Variants in C1R observed in about 807,000 individuals in gnomAD.
C1R encodes the protein complement C1r.
C1R carries 15 observed loss-of-function variants against 27.6 expected under a neutral mutation model. The observed-to-expected ratio is 0.54, with a 90% confidence interval of 0.36 to 0.84. The LOEUF (loss-of-function observed/expected upper bound fraction) is 0.84. C1R is among the 40% of genes least tolerant of loss of function. The probability of loss-of-function intolerance (pLI) is 0.01; values close to 1 mark genes in which losing one functional copy is unlikely to be tolerated. For missense variants in C1R, 544 were observed against 577.9 expected, an observed-to-expected ratio of 0.94 and a Z score of 0.60; for synonymous variants, 253 against 228.8, an observed-to-expected ratio of 1.11 and a Z score of -0.95.
chr12:7,085,904 A>G lies in C1R; in HGVS notation c.1230T>C (p.Tyr410=), dbSNP rs1397872731. The G allele has an allele frequency of 7.5e-6, 3 of 398,546 alleles. No homozygotes were observed. Among genetic ancestry groups the G allele is most frequent in the Admixed American group, 4.4e-5 (1 of 22,718 alleles). The allele number at this position is 398,546 out of a possible 1,614,324, so 24.7% of individuals were successfully genotyped here. A position where few individuals can be genotyped will look rare whatever the true frequency, so the allele number is the denominator to read the frequency against. Residue 410 remains tyrosine, a synonymous_variant, in exon 9 of 11, where the codon TAT becomes TAC. Transcript: ENST00000647956. The stretch of plus-strand genomic sequence containing the variant: ...TGCCAGCTCTGGTCTGCATCTTGTA[A>G]TATGGCTCATGGCAGTAGTACTGGA... ...ARIQYYCHEP[Y]YKMQTRAGSR...
At position 7,080,839 on chromosome 12, in the gene C1R, G is replaced by A. The variant is rs1938044358; in HGVS notation, c.1811C>T (p.Ala604Val). 6.2e-7 allele frequency: 1 copy of A among 1,613,846 alleles called. No individual in the cohort carries two copies. Among genetic ancestry groups the A allele is most frequent in the Admixed American group, 1.7e-5 (1 of 59,988 alleles). Residue 604 changes from alanine (A) to valine (V), a missense_variant, in exon 11 of 11, where the codon GCT (alanine) becomes GTT (valine). This residue lies in a region of C1R where 253 missense variants were observed against 368.9 expected (regional missense o/e 0.69). Coordinates refer to ENST00000647956, the MANE Select transcript of C1R (RefSeq NM_001733.7). The surrounding 1 kb of genome is among the most constrained non-coding windows in gnomAD (Gnocchi z 4.9). The part of the protein sequence containing the change: ...SGFGVMEEKI[A>V]HDLRFVRLPV... ...CAGACGGACAAACCTGAGGTCATGAGCAATCTTCTCCTCCATGACCCCGAA... is the reference window on the plus strand; with the variant it reads ...CAGACGGACAAACCTGAGGTCATGAACAATCTTCTCCTCCATGACCCCGAA...
Position 7,091,200 on chromosome 12 carries a change from C to A in C1R, c.231+252G>T. ...CTAGACAGCAGATGGGGAAGGTTTTCCTGACTCAGTGGATGTTGAATTTCC... is the reference window on the plus strand; with the variant it reads ...CTAGACAGCAGATGGGGAAGGTTTTACTGACTCAGTGGATGTTGAATTTCC... On this transcript the variant is annotated intron_variant, in intron 2 of 10. Transcript: ENST00000647956. This position sits in a 1 kb window ranked among gnomAD's most constrained non-coding sequence, Gnocchi z 5.1. The A allele has an allele frequency of 2.0e-6, 1 of 493,032 alleles. No individual in the cohort carries two copies. Among genetic ancestry groups the A allele is most frequent in the Non-Finnish European group, 3.6e-6 (1 of 280,944 alleles). 30.5% of individuals were successfully genotyped at this position (493,032 alleles called of 1,614,324 possible). A position where few individuals can be genotyped will look rare whatever the true frequency, so the allele number is the denominator to read the frequency against.
chr12:7,083,243 T>G (rs1273261762), intron 9 of C1R, among the ~76,000 whole-genome samples: 3 of 145,918 alleles, frequency 2.1e-5, no homozygotes, highest in Non-Finnish European at 4.5e-5. Flanking sequence ...AATGGTGGTG[T>G]TGTTAATGGT....
chr12:7,088,439 A>T lies in C1R; in HGVS notation c.1038+171T>A. 4.2e-6 allele frequency: 3 copies of T among 706,018 alleles called. No homozygotes were observed. In the South Asian group the frequency reaches 4.4e-5, roughly 10 times the overall value. The allele number at this position is 706,018 out of a possible 1,614,324, so 43.7% of individuals were successfully genotyped here. A position where few individuals can be genotyped will look rare whatever the true frequency, so the allele number is the denominator to read the frequency against. On this transcript the variant is annotated intron_variant, in intron 7 of 10. Coordinates refer to ENST00000647956, the MANE Select transcript of C1R (RefSeq NM_001733.7). ...CTCAAGCAATCTTCCAGGATTTTAAACTCTCTGTTTTAAGTGTGCAGCAAG... is the reference window on the plus strand; with the variant it reads ...CTCAAGCAATCTTCCAGGATTTTAATCTCTCTGTTTTAAGTGTGCAGCAAG...
At position 7,089,598 on chromosome 12, in the gene C1R, T is replaced by C; in HGVS notation, c.560A>G (p.His187Arg). ...CCACTCTGGCTCACCCTGGCAGGAATGCCTGTCTTCCTGAAGCTCATAGCC... is the reference window on the plus strand; with the variant it reads ...CCACTCTGGCTCACCCTGGCAGGAACGCCTGTCTTCCTGAAGCTCATAGCC... ...RPGYELQEDR[H>R]SCQAECSSEL... The change falls in exon 4 of 11, where the codon CAT becomes CGT. Residue 187 changes from histidine to arginine, a missense_variant. Transcript: ENST00000647956. The C allele has an allele frequency of 1.3e-6, 1 of 780,910 alleles. No individual in the cohort carries two copies. The highest frequency in any genetic ancestry group is 2.4e-6 in the Non-Finnish European group (1 of 417,980). 48.4% of individuals were successfully genotyped at this position (780,910 alleles called of 1,614,324 possible).
chr12:7,090,339 A>G, intron 2 of C1R, 91 bp from the exon 3 acceptor site: 4 of 650,010 alleles, frequency 6.2e-6, no homozygotes, highest in Admixed American at 2.3e-5. Flanking sequence ...TCTCGCCCAG[A>G]GTGCATCATG....
At chr12:7,082,714 C>T (rs1365996601) in intron 9 of C1R, among the ~76,000 whole-genome samples, 1 of 152,142 alleles carries the variant, frequency 6.6e-6, no homozygotes, top group Non-Finnish European at 1.5e-5. Flanking sequence ...ATATCAAAAT[C>T]TTATCAGTGA....
chr12:7,088,456 T>C (rs1444517748), intron 7 of C1R, 154 bp downstream of exon 7: 1 of 709,758 alleles, frequency 1.4e-6, no homozygotes, highest in Non-Finnish European at 2.6e-6. Flanking sequence ...GTTTTAAGTG[T>C]GCAGCAAGTT....
At position 7,089,730 on chromosome 12, in the gene C1R, A is replaced by G; in HGVS notation, c.428T>C (p.Leu143Pro). 1 of 780,662 alleles carries G rather than the reference A, an allele frequency of 1.3e-6. No homozygotes were observed. Among genetic ancestry groups the G allele is most frequent in the Non-Finnish European group, 2.4e-6 (1 of 417,908 alleles). The allele number at this position is 780,662 out of a possible 1,614,324, so 48.4% of individuals were successfully genotyped here. ...TTTGCTCCGGGAAGCACATTCATCA[A>G]GGTCTGGAAGGCATTCAGGAAGGAG... ...GFLAYYQAVD[L>P]DECASRSKSG... Residue 143 changes from leucine (L) to proline (P), a missense_variant, in exon 4 of 11, where the codon CTT (leucine) becomes CCT (proline). Coordinates refer to ENST00000647956, the MANE Select transcript of C1R (RefSeq NM_001733.7).
Position 7,080,369 on chromosome 12 carries a change from T to C in C1R, c.*163A>G. On this transcript the variant is annotated 3_prime_UTR_variant, in exon 11 of 11. Coordinates refer to ENST00000647956, the MANE Select transcript of C1R (RefSeq NM_001733.7). This position sits in a 1 kb window ranked among gnomAD's most constrained non-coding sequence, Gnocchi z 4.9. ...AAGGGGCCCTTTGGGTTGTTTCAGG[T>C]AAAGTACATCAATGGGACTACAGGA... is the stretch of plus-strand genomic sequence containing the variant. The C allele has an allele frequency of 7.3e-7, 1 of 1,363,804 alleles. No individual in the cohort carries two copies. The highest frequency in any genetic ancestry group is 9.4e-7 in the Non-Finnish European group (1 of 1,062,706). 84.5% of individuals were successfully genotyped at this position (1,363,804 alleles called of 1,614,324 possible). A position where few individuals can be genotyped will look rare whatever the true frequency, so the allele number is the denominator to read the frequency against.
rs926638397 is a variant in C1R at position 7,091,950 on chromosome 12, G to C, written c.3-270C>G. On this transcript the variant is annotated intron_variant, in intron 1 of 10. Coordinates refer to ENST00000647956, the MANE Select transcript of C1R (RefSeq NM_001733.7). This position sits in a 1 kb window ranked among gnomAD's most constrained non-coding sequence, Gnocchi z 5.1. ...CCCTTTCCAGCCTCCTCCCCTGCCC[G>C]GACGCGTCCCTCCCCTCCCCTTCCA... is the stretch of plus-strand genomic sequence containing the variant. 1.0e-4 allele frequency: 63 copies of C among 628,030 alleles called. 1 individual carries two copies. Among genetic ancestry groups the C allele is most frequent in the South Asian group, 1.8e-4 (11 of 60,098 alleles). The allele number at this position is 628,030 out of a possible 1,614,324, so 38.9% of individuals were successfully genotyped here. A position where few individuals can be genotyped will look rare whatever the true frequency, so the allele number is the denominator to read the frequency against.
intron 2 of C1R, among the ~76,000 whole-genome samples, chr12:7,090,750 C>T (rs1247766682): frequency 6.6e-6 from 1 of 152,160 alleles, no homozygotes; most frequent in Admixed American, 6.5e-5. Flanking sequence ...GGCACTGCCT[C>T]GTCCCTCTTC....
At position 7,080,473 on chromosome 12, in the gene C1R, G is replaced by T; in HGVS notation, c.*59C>A. ...AGTGGTTATCAACAACTGGTCAGTT[G>T]TTTTTTGTTTTTTTTTTTCCACACT... On this transcript the variant is annotated 3_prime_UTR_variant, in exon 11 of 11. Transcript: ENST00000647956. The surrounding 1 kb of genome is among the most constrained non-coding windows in gnomAD (Gnocchi z 4.9). The T allele has an allele frequency of 6.6e-7, 1 of 1,509,214 alleles. No homozygotes were observed. The allele number at this position is 1,509,214 out of a possible 1,614,324, so 93.5% of individuals were successfully genotyped here. A position where few individuals can be genotyped will look rare whatever the true frequency, so the allele number is the denominator to read the frequency against.
chr12:7,090,787 CT>C (rs1364241055), intron 2 of C1R, among the ~76,000 whole-genome samples: 1 of 152,208 alleles, frequency 6.6e-6, no homozygotes, highest in Non-Finnish European at 1.5e-5. Flanking sequence ...TCCTCAACCT[CT>C]CCTTGACTCT....
At chr12:7,083,545 A>G (rs1209801272) in intron 9 of C1R, among the ~76,000 whole-genome samples, 21 of 124,480 alleles carry the variant, frequency 1.7e-4, no homozygotes, top group African/African-American at 6.3e-4. Flanking sequence ...TGATCATGGT[A>G]GTGGCGACAG....
chr12:7,088,039 G>A (rs1352974094), intron 7 of C1R, among the ~76,000 whole-genome samples: 5 of 152,022 alleles, frequency 3.3e-5, no homozygotes, highest in Non-Finnish European at 7.4e-5. Flanking sequence ...GGCGCAGGGG[G>A]AGACCACCAA....
intron 9 of C1R, among the ~76,000 whole-genome samples, chr12:7,083,564 G>C (rs1385018055): frequency 1.3e-5 from 2 of 150,914 alleles, no homozygotes; most frequent in Admixed American, 1.3e-4. Context: ...AGTGGTGTTG[G>C]TAATGGTGAT....
chr12:7,092,249 T>G, intron 1 of C1R, 138 bp downstream of exon 1: 1 of 727,242 alleles, frequency 1.4e-6, no homozygotes, highest in Non-Finnish European at 2.6e-6. Context: ...GTGTTGTGTG[T>G]GTCCACGCGT....
intron 8 of C1R, among the ~76,000 whole-genome samples, 154 bp downstream of exon 8, chr12:7,086,225 G>A (rs1330755823): frequency 3.3e-5 from 5 of 152,184 alleles, no homozygotes; most frequent in African/African-American, 1.2e-4. Flanking sequence ...AGGGCTCACT[G>A]ATTCCTGAGA....
Sources: gnomAD v4.1 joint callset for allele counts (sites outside exome capture counted in the v4.1 genomes callset) on GRCh38, gnomAD v4.1.1 for gene constraint, gnomAD v4.1.1 regional missense constraint, Gnocchi (gnomAD v3.1) non-coding constraint, MANE v1.5 for transcripts, NCBI Gene and HGNC (gene_info 2026-07-23, HGNC 2026-07-21) for gene names.